SLC15A3: variants seen among roughly 807,000 people sequenced by gnomAD.
SLC15A3 encodes the protein osteoclast transporter.
Under a neutral mutation model 49.2 loss-of-function variants are expected in SLC15A3, and 39 were observed. The ratio of observed to expected loss-of-function variants is 0.79; its 90% confidence interval spans 0.61 to 1.04. The LOEUF (loss-of-function observed/expected upper bound fraction) is 1.04. Among genes scored for constraint, SLC15A3 ranks in the 50% least tolerant of loss-of-function variants. The pLI, the probability that SLC15A3 is intolerant of heterozygous loss-of-function variation, is 0.00. For missense variants in SLC15A3, 758 were observed against 794.8 expected, an observed-to-expected ratio of 0.95 and a Z score of 0.56; for synonymous variants, 339 against 367.0, an observed-to-expected ratio of 0.92 and a Z score of 0.87.
chr11:60,949,556 GAAAGAAA>G (rs1856874162), intron 1 of SLC15A3, among the ~76,000 whole-genome samples: 1 of 71,378 alleles, frequency 1.4e-5, no homozygotes, highest in African/African-American at 3.0e-5. Flanking sequence ...AAGAAAGAAA[GAAAGAAA>G]GAAAGAAAAG....
chr11:60,941,588 G>T, intron 4 of SLC15A3: 1 of 379,326 alleles, frequency 2.6e-6, no homozygotes, highest in Non-Finnish European at 4.7e-6. Context: ...CAAGGAAATG[G>T]ACTACAATGG....
chr11:60,950,747 C>A (rs1284492133), intron 1 of SLC15A3, among the ~76,000 whole-genome samples: 1 of 152,234 alleles, frequency 6.6e-6, no homozygotes, highest in African/African-American at 2.4e-5. Context: ...GCTGAGATCG[C>A]GCCATTGCAC....
At chr11:60,944,268 C>T (rs888612301) in intron 2 of SLC15A3, among the ~76,000 whole-genome samples, 2 of 152,172 alleles carry the variant, frequency 1.3e-5, no homozygotes, top group African/African-American at 4.8e-5. Flanking sequence ...CCAGTATCAG[C>T]ACGTCTCTGA....
At position 60,949,564 on chromosome 11, in the gene SLC15A3, G is replaced by GAAAGAAAGAAAGAAAGAAAGAAAAGA. The variant is rs1554986438; in HGVS notation, c.558+1429_558+1430insTCTTTTCTTTCTTTCTTTCTTTCTTT. On this transcript the variant is annotated intron_variant, in intron 1 of 7. Coordinates refer to ENST00000227880, the MANE Select transcript of SLC15A3 (RefSeq NM_016582.3). ...AGAAAGAAAGAAAGAAAGAAAGAAA[G>GAAAGAAAGAAAGAAAGAAAGAAAAGA]AAAGAAAAGAGATGGCCAGGGCTGG... 6.6e-4 allele frequency among the ~76,000 whole-genome samples: 78 copies of GAAAGAAAGAAAGAAAGAAAGAAAAGA among 118,004 alleles called. 10 individuals carry two copies. Among genetic ancestry groups the GAAAGAAAGAAAGAAAGAAAGAAAAGA allele is most frequent in the Middle Eastern group, 4.2e-3 (1 of 236 alleles). The allele number at this position is 118,004 out of a possible 152,430, so 77.4% of individuals were successfully genotyped here.
intron 1 of SLC15A3, among the ~76,000 whole-genome samples, chr11:60,948,053 A>G (rs1856829602): frequency 6.6e-6 from 1 of 152,200 alleles, no homozygotes; most frequent in Non-Finnish European, 1.5e-5. Context: ...TTTCAAGTAG[A>G]GATTTATATT....
rs1157103502 is a variant in SLC15A3, at chr11:60,951,546, G to C, written c.6C>G (p.Pro2=). ...GGGGCTGCTCCCGGGCGCGCGGCGCGGGCATCCTGGCTCCGGGCTGGGCCC... is the reference window on the plus strand; with the variant it reads ...GGGGCTGCTCCCGGGCGCGCGGCGCCGGCATCCTGGCTCCGGGCTGGGCCC... The part of the protein sequence containing the change: M[P]APRAREQPRV... The change falls in exon 1 of 8, where the codon CCC becomes CCG. Residue 2 remains proline, a synonymous_variant. Transcript: ENST00000227880. 8.8e-7 allele frequency: 1 copy of C among 1,138,478 alleles called. No individual in the cohort carries two copies. The highest frequency in any genetic ancestry group is 4.2e-5 in the East Asian group (1 of 23,626). 70.5% of individuals were successfully genotyped at this position (1,138,478 alleles called of 1,614,324 possible). A position where few individuals can be genotyped will look rare whatever the true frequency, so the allele number is the denominator to read the frequency against.
rs1420376931 is a variant in SLC15A3 at position 60,951,042 on chromosome 11, C to T, written c.510G>A (p.Leu170=). 1.3e-6 allele frequency: 2 copies of T among 1,497,604 alleles called. No individual in the cohort carries two copies. The highest frequency in any genetic ancestry group is 1.3e-5 in the South Asian group (1 of 79,682). 92.8% of individuals were successfully genotyped at this position (1,497,604 alleles called of 1,614,324 possible). Residue 170 remains leucine, a synonymous_variant, in exon 1 of 8, where the codon CTG becomes CTA. Coordinates refer to ENST00000227880, the MANE Select transcript of SLC15A3 (RefSeq NM_016582.3). ...GGTTGCTCCGGACGGAGCTGGCGGCCAGGCCGAGTAGCAGCAGGCCCGCGT... is the reference window on the plus strand; with the variant it reads ...GGTTGCTCCGGACGGAGCTGGCGGCTAGGCCGAGTAGCAGCAGGCCCGCGT... The part of the protein sequence containing the change: ...VLYAGLLLLG[L]AASSVRSNLT...
At chr11:60,944,584 T>C (rs1163344908) in intron 2 of SLC15A3, among the ~76,000 whole-genome samples, 1 of 152,084 alleles carries the variant, frequency 6.6e-6, no homozygotes, top group African/African-American at 2.4e-5. Context: ...TGGAAAACAG[T>C]CTGAAGGGAT....
At chr11:60,939,921 G>C in intron 5 of SLC15A3, 1 of 369,048 alleles carries the variant, frequency 2.7e-6, no homozygotes, top group South Asian at 4.8e-5. Flanking sequence ...CATTTACCAT[G>C]CATCCTTGCT....
chr11:60,938,224 G>C, intron 6 of SLC15A3, 199 bp from the exon 7 acceptor site: 1 of 616,838 alleles, frequency 1.6e-6, no homozygotes, highest in South Asian at 2.2e-5. Context: ...CTGCCTCCTG[G>C]CTGAACCCCT....
At chr11:60,937,551 T>C in intron 7 of SLC15A3, 178 bp from the exon 8 acceptor site, 1 of 832,098 alleles carries the variant, frequency 1.2e-6, no homozygotes. Flanking sequence ...CAGGGGTGTC[T>C]ACAATTCCTC....
intron 4 of SLC15A3, 125 bp downstream of exon 4, chr11:60,941,910 C>T (rs1856714695): frequency 2.2e-6 from 2 of 920,394 alleles, no homozygotes; most frequent in Admixed American, 2.0e-5. Context: ...AGGTGCTTTT[C>T]CTGTATCCTG....
intron 1 of SLC15A3, among the ~76,000 whole-genome samples, chr11:60,949,567 A>AGAAAGAAAGAAAG (rs1565130041): frequency 6.7e-6 from 1 of 150,318 alleles, no homozygotes; most frequent in Non-Finnish European, 1.5e-5. Flanking sequence ...AAAGAAAGAA[A>AGAAAGAAAGAAAG]GAAAAGAGAT....
rs144860400 is a variant in SLC15A3, at chr11:60,946,633, G to A, written c.747C>T (p.Pro249=). ...CCATCGGGGGCTTGGTGATGAAGAC[G>A]GGGGTGGCAAAGAGGAAGATGAAAA... ...LAFFIFLFAT[P]VFITKPPMGS... is the part of the protein sequence containing the mutation. Residue 249 remains proline (P), a synonymous_variant, in exon 2 of 8, where the codon CCC becomes CCT. Coordinates refer to ENST00000227880, the MANE Select transcript of SLC15A3 (RefSeq NM_016582.3). The A allele has an allele frequency of 7.9e-5, 128 of 1,614,000 alleles. No homozygotes were observed. The African/African-American group carries it at 1.1e-3, about 14-fold the overall frequency.
At position 60,941,249 on chromosome 11, in the gene SLC15A3, C is replaced by T; in HGVS notation, c.1149G>A (p.Val383=). Reference sequence around the variant, plus strand: ...GGTCCTTCAGAGGGACCAGAATCAGCACCACCACAACATTGGCCAGGAGGA... The same window carrying T: ...GGTCCTTCAGAGGGACCAGAATCAGTACCACCACAACATTGGCCAGGAGGA... ...AWLLLANVVV[V]LILVPLKDRL... The change falls in exon 5 of 8, where the codon GTG becomes GTA. Residue 383 remains valine (V), a synonymous_variant. Transcript: ENST00000227880. 1.9e-6 allele frequency: 3 copies of T among 1,614,106 alleles called. No individual in the cohort carries two copies. Among genetic ancestry groups the T allele is most frequent in the Non-Finnish European group, 2.5e-6 (3 of 1,179,994 alleles).
chr11:60,938,688 C>A (rs1041696743), intron 6 of SLC15A3, among the ~76,000 whole-genome samples: 1 of 152,162 alleles, frequency 6.6e-6, no homozygotes, highest in Admixed American at 6.5e-5. Flanking sequence ...CCCTATCCCC[C>A]ACGCTTCCCA....
At chr11:60,938,767 C>T (rs1856664941) in intron 6 of SLC15A3, among the ~76,000 whole-genome samples, 1 of 152,176 alleles carries the variant, frequency 6.6e-6, no homozygotes, top group Non-Finnish European at 1.5e-5. Context: ...ACTCACCTGC[C>T]CGCCTCCTCT....
chr11:60,939,520 G>A lies in SLC15A3; in HGVS notation c.1395C>T (p.Tyr465=), dbSNP rs1478472318. 6.2e-7 allele frequency: 1 copy of A among 1,614,076 alleles called. No individual in the cohort carries two copies. ...PLSIWWQIPQ[Y]LLIGISEIFA... is the part of the protein sequence containing the mutation. ...AGATCTCACTGATCCCAATGAGCAG[G>A]TACTGAGGGATCTGCCACCAGATGG... is the stretch of plus-strand genomic sequence containing the variant. Residue 465 remains tyrosine (Y), a synonymous_variant, in exon 6 of 8, where the codon TAC becomes TAT. Transcript: ENST00000227880.
rs763118655 is a variant in SLC15A3 at position 60,941,134 on chromosome 11, C to T, written c.1264G>A (p.Val422Ile). Reference sequence around the variant, plus strand: ...CCCCTCTGCACACCTGCCACAATGACGGAGGTAAAACCAAAGAACATCCCC... The same window carrying T: ...CCCCTCTGCACACCTGCCACAATGATGGAGGTAAAACCAAAGAACATCCCC... ...ALGMFFGFTSVIVAGVLEMER... is the reference protein window; with the variant it reads ...ALGMFFGFTSIIVAGVLEMER... The change falls in exon 5 of 8, where the codon GTC becomes ATC. Residue 422 changes from valine to isoleucine, a missense_variant. Coordinates refer to ENST00000227880, the MANE Select transcript of SLC15A3 (RefSeq NM_016582.3). 45 of 1,612,858 alleles carry T rather than the reference C, an allele frequency of 2.8e-5. No homozygotes were observed. Among genetic ancestry groups the T allele is most frequent in the Middle Eastern group, 1.6e-4 (1 of 6,082 alleles).
Sources: gnomAD v4.1 joint callset for allele counts (sites outside exome capture counted in the v4.1 genomes callset) on GRCh38, gnomAD v4.1.1 for gene constraint, MANE v1.5 for transcripts, NCBI Gene and HGNC (gene_info 2026-07-23, HGNC 2026-07-21) for gene names.